RABEP2: variants seen among roughly 807,000 people sequenced by gnomAD.
RABEP2 encodes rabaptin, RAB GTPase binding effector protein 2.
Under a neutral mutation model 74.1 loss-of-function variants are expected in RABEP2, and 57 were observed. The ratio of observed to expected loss-of-function variants is 0.77; its 90% CI spans 0.62 to 0.96. The LOEUF (loss-of-function observed/expected upper bound fraction) is 0.96. Among genes scored for constraint, RABEP2 ranks in the 40% least tolerant of loss-of-function variants. The pLI is 0.00. For missense variants in RABEP2, 692 were observed against 756.3 expected (o/e 0.91, Z 1.00); for synonymous variants, 351 against 344.0 (o/e 1.02, Z -0.23).
intron 7 of RABEP2, among the ~76,000 whole-genome samples, 199 bp from the exon 8 acceptor site, chr16:28,908,963 C>T (rs1393520217): frequency 6.6e-6 from 1 of 151,504 alleles, no homozygotes; most frequent in Non-Finnish European, 1.5e-5. Flanking sequence ...AGATTACAGG[C>T]TGCTGCCAGG....
chr16:28,904,673 C>A lies in RABEP2; in HGVS notation c.*270G>T. On this transcript the variant is annotated 3_prime_UTR_variant, in exon 13 of 13. Transcript: ENST00000358201. ...GAGGGCTGGAGCCCAGGAGGCAGCA[C>A]AGCAGCCAGAAAGCCGCAGGCCTGA... 1 of 693,564 alleles carries A rather than the reference C, an allele frequency of 1.4e-6. No individual in the cohort carries two copies. Among genetic ancestry groups the A allele is most frequent in the Non-Finnish European group, 2.3e-6 (1 of 443,176 alleles). The allele number at this position is 693,564 out of a possible 1,614,324, so 43.0% of individuals were successfully genotyped here.
intron 7 of RABEP2, among the ~76,000 whole-genome samples, chr16:28,909,179 C>T (rs980752225): frequency 4.6e-5 from 7 of 151,922 alleles, no homozygotes; most frequent in East Asian, 1.9e-4. Flanking sequence ...CGGGTTCAAG[C>T]GATTCTCCTG....
Position 28,923,807 on chromosome 16 carries a change from C to A in RABEP2, c.274+596G>T, listed in dbSNP as rs139049725. 1.2e-3 allele frequency among the ~76,000 whole-genome samples: 189 copies of A among 152,336 alleles called. 1 individual carries two copies. Among genetic ancestry groups the A allele is most frequent in the African/African-American group, 4.0e-3 (166 of 41,586 alleles). ...CAGGAGAGAGTTGACGAGAGCCCCA[C>A]CGCAGCAGGGGCATAGCAGCGGGGG... is the stretch of plus-strand genomic sequence containing the variant. On this transcript the variant is annotated intron_variant, in intron 2 of 12. Transcript: ENST00000358201.
chr16:28,924,322 A>T, intron 2 of RABEP2, 81 bp downstream of exon 2: 1 of 1,387,100 alleles, frequency 7.2e-7, no homozygotes, highest in Non-Finnish European at 1.0e-6. Flanking sequence ...CCCATAGCTT[A>T]TCTGTGCCCC....
In RABEP2 at chr16:28,919,620, AC is replaced by A. The variant is rs554071942; in HGVS notation, c.432+165del. 238 of 704,388 alleles carry A rather than the reference AC, an allele frequency of 3.4e-4. 1 individual carries two copies. The African/African-American group carries it at 3.9e-3, about 11-fold the overall frequency. The allele number at this position is 704,388 out of a possible 1,614,324, so 43.6% of individuals were successfully genotyped here. A position where few individuals can be genotyped will look rare whatever the true frequency, so the allele number is the denominator to read the frequency against. ...ACCCACTAATAAGGGGCAAGCCAGGACCCTACGGAGCACAGAGCCAAGCTCT... is the reference window on the plus strand; with the variant it reads ...ACCCACTAATAAGGGGCAAGCCAGGACCTACGGAGCACAGAGCCAAGCTCT... On this transcript the variant is annotated intron_variant, in intron 3 of 12. Coordinates refer to ENST00000358201, the MANE Select transcript of RABEP2 (RefSeq NM_024816.3).
At chr16:28,911,442 A>T (rs2152219848) in intron 5 of RABEP2, among the ~76,000 whole-genome samples, 1 of 152,002 alleles carries the variant, frequency 6.6e-6, no homozygotes, top group Middle Eastern at 3.4e-3. Flanking sequence ...CGGGTGGATC[A>T]TTTGAGGTCA....
chr16:28,909,247 T>C (rs892293228), intron 7 of RABEP2, among the ~76,000 whole-genome samples: 2 of 151,924 alleles, frequency 1.3e-5, no homozygotes, highest in Non-Finnish European at 2.9e-5. Flanking sequence ...TGGCTAATAT[T>C]TGTACTTTTA....
At position 28,924,986 on chromosome 16, in the gene RABEP2, C is replaced by A. The variant is rs374078426; in HGVS notation, c.61+117G>T. ...CTGTAGGCCCCGCCCCCTTTCCCGA[C>A]GGCGTGGCCCCGCCCCTTCCTCCAT... On this transcript the variant is annotated intron_variant, in intron 1 of 12. Coordinates refer to ENST00000358201, the MANE Select transcript of RABEP2 (RefSeq NM_024816.3). The A allele has an allele frequency of 8.4e-6, 10 of 1,183,528 alleles. No homozygotes were observed. In the African/African-American group the frequency reaches 1.2e-4, roughly 14 times the overall value. 73.3% of individuals were successfully genotyped at this position (1,183,528 alleles called of 1,614,324 possible). A position where few individuals can be genotyped will look rare whatever the true frequency, so the allele number is the denominator to read the frequency against.
chr16:28,924,047 G>A (rs1477292176), intron 2 of RABEP2: 3 of 332,242 alleles, frequency 9.0e-6, no homozygotes, highest in African/African-American at 4.3e-5. Context: ...GGCCAGGGCT[G>A]ATTCTATTTC....
At chr16:28,920,192 A>G (rs1964451837) in intron 2 of RABEP2, among the ~76,000 whole-genome samples, 1 of 152,088 alleles carries the variant, frequency 6.6e-6, no homozygotes, top group African/African-American at 2.4e-5. Flanking sequence ...GAGATGACAT[A>G]TCTAAGATAA....
Position 28,905,031 on chromosome 16 carries a change from C to A in RABEP2, c.1622G>T (p.Arg541Leu). ...LSQALQVRLERIRQAETLEQV... is the reference protein window; with the variant it reads ...LSQALQVRLELIRQAETLEQV... ...CTCCAGGGTCTCAGCCTGGCGGATC[C>A]GCTCTAGGCGCACCTGCCGGATCGG... is the stretch of plus-strand genomic sequence containing the variant. Residue 541 changes from arginine (R) to leucine (L), a missense_variant, in exon 13 of 13, where the codon CGG becomes CTG. By Grantham distance (102) the Arg-to-Leu change is moderately radical (BLOSUM62 -2). Coordinates refer to ENST00000358201, the MANE Select transcript of RABEP2 (RefSeq NM_024816.3). The A allele has an allele frequency of 1.2e-6, 2 of 1,605,534 alleles. No individual in the cohort carries two copies. Among genetic ancestry groups the A allele is most frequent in the Non-Finnish European group, 1.7e-6 (2 of 1,178,308 alleles).
intron 7 of RABEP2, among the ~76,000 whole-genome samples, chr16:28,910,028 C>CAA (rs779404464): frequency 0.011 from 707 of 66,590 alleles, 4 homozygotes; most frequent in African/African-American, 0.018. Context: ...GACTCCGTCT[C>CAA]AAAAAAAAAA....
At chr16:28,905,811 C>A (rs1394621754) in intron 10 of RABEP2, 52 bp from the exon 11 acceptor site, 3 of 1,613,882 alleles carry the variant, frequency 1.9e-6, no homozygotes, top group East Asian at 2.2e-5. Context: ...CTCCCTTTCC[C>A]CACCTAGCCC....
In RABEP2 at chr16:28,910,888, C is replaced by G. The variant is rs767287536; in HGVS notation, c.1089G>C (p.Met363Ile). 2 of 1,609,506 alleles carry G rather than the reference C, an allele frequency of 1.2e-6. No individual in the cohort carries two copies. Among genetic ancestry groups the G allele is most frequent in the Non-Finnish European group, 1.7e-6 (2 of 1,178,324 alleles). The change falls in exon 7 of 13, where the codon ATG becomes ATC. Residue 363 changes from methionine to isoleucine, a missense_variant and splice_region_variant. Coordinates refer to ENST00000358201, the MANE Select transcript of RABEP2 (RefSeq NM_024816.3). ...TGCCCTAGGGCCCCCAGGTACTCAC[C>G]ATCTGCAGCTGCACCCGCTCCTGGG... ...SQAQERVQLQ[M>I]AELVTTHKCL...
chr16:28,913,053 C>G (rs1964335670), intron 5 of RABEP2, among the ~76,000 whole-genome samples: 1 of 152,100 alleles, frequency 6.6e-6, no homozygotes, highest in Non-Finnish European at 1.5e-5. Context: ...ACTTCTGCCT[C>G]CTGGGTTCAA....
chr16:28,921,152 CCA>C (rs1478676736), intron 2 of RABEP2: 1 of 455,490 alleles, frequency 2.2e-6, no homozygotes, highest in Non-Finnish European at 4.4e-6. Flanking sequence ...GCATGAGCCA[CCA>C]CACCCGGCCC....
chr16:28,904,906 G>A lies in RABEP2; in HGVS notation c.*37C>T, dbSNP rs79184739. 4,607 of 1,503,354 alleles carry A rather than the reference G, an allele frequency of 3.1e-3. 15 individuals are homozygous for A. The highest frequency in any genetic ancestry group is 9.7e-3 in the East Asian group (428 of 44,092). 93.1% of individuals were successfully genotyped at this position (1,503,354 alleles called of 1,614,324 possible). ...TCATGGTTCAGGAGTGGGGAAAGGC[G>A]TCTTTCCCAGGGTGGGGGTGGGGAT... On this transcript the variant is annotated 3_prime_UTR_variant, in exon 13 of 13. Coordinates refer to ENST00000358201, the MANE Select transcript of RABEP2 (RefSeq NM_024816.3).
chr16:28,912,276 C>T (rs1964324776), intron 5 of RABEP2, among the ~76,000 whole-genome samples: 1 of 151,872 alleles, frequency 6.6e-6, no homozygotes, highest in Non-Finnish European at 1.5e-5. Context: ...TCCACATCCA[C>T]CCATTTCTTC....
intron 3 of RABEP2, among the ~76,000 whole-genome samples, chr16:28,918,228 C>G (rs912023451): frequency 3.3e-5 from 5 of 151,576 alleles, no homozygotes; most frequent in Admixed American, 2.6e-4. Flanking sequence ...TACAGGCGCC[C>G]GCCACCGCGC....
Sources: gnomAD v4.1 joint callset for allele counts (sites outside exome capture counted in the v4.1 genomes callset) on GRCh38, gnomAD v4.1.1 for gene constraint, MANE v1.5 for transcripts, NCBI Gene and HGNC (gene_info 2026-07-23, HGNC 2026-07-21) for gene names.